The following TRDN variants were observed in gnomAD, a reference collection of about 807,000 sequenced individuals.
TRDN encodes triadin.
Under a neutral mutation model 149.7 loss-of-function variants are expected in TRDN, and 161 were observed. The ratio of observed to expected loss-of-function variants is 1.08; its 90% CI spans 0.95 to 1.23. The LOEUF is 1.23. TRDN is among the 50% of genes most tolerant of loss of function. TRDN has a pLI of 0.00. For missense variants in TRDN, 896 were observed against 823.5 expected (o/e 1.09, Z -1.08); for synonymous variants, 294 against 250.5 (o/e 1.17, Z -1.64).
At chr6:123,335,972 G>A (rs1034481206) in intron 22 of TRDN, among the ~76,000 whole-genome samples, 4 of 151,950 alleles carry the variant, frequency 2.6e-5, no homozygotes, top group African/African-American at 9.7e-5. Flanking sequence ...GAGAGTGGAG[G>A]CTGGGAATGG....
chr6:123,522,685 T>A (rs981715483), intron 5 of TRDN, among the ~76,000 whole-genome samples: 2 of 152,142 alleles, frequency 1.3e-5, no homozygotes, highest in African/African-American at 4.8e-5. Flanking sequence ...TGACTTAAAT[T>A]ACAGTGGCTT....
chr6:123,225,990 G>T (rs1039313114), intron 38 of TRDN, among the ~76,000 whole-genome samples: 15 of 151,724 alleles, frequency 9.9e-5, no homozygotes, highest in African/African-American at 3.4e-4. Context: ...GTAAGATAGG[G>T]TCAGTATGCA....
intron 10 of TRDN, 59 bp downstream of exon 10, chr6:123,464,847 T>C (rs1292757510): frequency 6.5e-7 from 1 of 1,541,796 alleles, no homozygotes; most frequent in Admixed American, 2.1e-5. Flanking sequence ...GTTGTTGCTG[T>C]TCCTCTACAT....
At chr6:123,604,636 C>T (rs1235684150) in intron 1 of TRDN, among the ~76,000 whole-genome samples, 2 of 152,060 alleles carry the variant, frequency 1.3e-5, no homozygotes, top group Non-Finnish European at 1.5e-5. Context: ...AGAGGCCAAA[C>T]TCTCAGAATG....
chr6:123,434,137 G>A (rs1327814956), intron 12 of TRDN: 1 of 152,110 alleles, frequency 6.6e-6, no homozygotes, highest in African/African-American at 2.4e-5. Context: ...TCAAAGATAG[G>A]TTTCATCACT....
intron 1 of TRDN, among the ~76,000 whole-genome samples, chr6:123,635,804 C>A (rs1786279895): frequency 6.6e-6 from 1 of 151,930 alleles, no homozygotes; most frequent in Admixed American, 6.6e-5. Flanking sequence ...AATTTTAGAT[C>A]CACCTCCAAA....
intron 31 of TRDN, among the ~76,000 whole-genome samples, chr6:123,268,058 T>G (rs981925229): frequency 6.6e-6 from 1 of 152,054 alleles, no homozygotes; most frequent in South Asian, 2.1e-4. Flanking sequence ...AAGAATATTG[T>G]TTTATTTGCT....
At chr6:123,348,865 G>A (rs527543865) in intron 21 of TRDN, among the ~76,000 whole-genome samples, 1 of 152,018 alleles carries the variant, frequency 6.6e-6, no homozygotes, top group East Asian at 1.9e-4. Context: ...ACATAAAGTT[G>A]GTTATTTCCT....
At chr6:123,250,513 T>C (rs1262809196) in intron 38 of TRDN, among the ~76,000 whole-genome samples, 1 of 152,034 alleles carries the variant, frequency 6.6e-6, no homozygotes, top group Admixed American at 6.6e-5. Context: ...CTAAGACAGT[T>C]TTTTGATGAT....
chr6:123,516,183 CT>C lies in TRDN; in HGVS notation c.507del (p.Gly170GlufsTer5). On this transcript the variant is annotated frameshift_variant, in exon 6 of 41. Transcript: ENST00000334268. LOFTEE classifies it high-confidence loss of function. ...TCTTTTTCTCTTACTTTTTCTTTTC[CT>C]TTTTCTTTTTCTTTGTGTGTAACTG... ...QTKVTHKEKEKGKEKVREKEK... is the reference protein window; with the variant it reads ...QTKVTHKEKEXGKEKVREKEK... 2 of 1,478,038 alleles carry C rather than the reference CT, an allele frequency of 1.4e-6. No individual in the cohort carries two copies. The highest frequency in any genetic ancestry group is 1.8e-6 in the Non-Finnish European group (2 of 1,103,910). The allele number at this position is 1,478,038 out of a possible 1,614,324, so 91.6% of individuals were successfully genotyped here.
chr6:123,337,737 A>G, intron 21 of TRDN, 68 bp from the exon 22 acceptor site: 2 of 932,004 alleles, frequency 2.1e-6, no homozygotes, highest in East Asian at 3.2e-5. Context: ...AAGTCTCTTC[A>G]TGTGTTTTGT....
intron 4 of TRDN, among the ~76,000 whole-genome samples, chr6:123,539,535 C>A (rs1375765708): frequency 1.3e-5 from 2 of 152,190 alleles, no homozygotes; most frequent in African/African-American, 4.8e-5. Flanking sequence ...AGTGACTTGA[C>A]CATAGCTGGT....
At chr6:123,577,881 A>C (rs1019493506) in intron 1 of TRDN, among the ~76,000 whole-genome samples, 6 of 152,110 alleles carry the variant, frequency 3.9e-5, no homozygotes, top group African/African-American at 9.7e-5. Flanking sequence ...ATTTCTCTAA[A>C]GATCAGTGAT....
At chr6:123,309,404 G>A (rs575855328) in intron 24 of TRDN, among the ~76,000 whole-genome samples, 1 of 152,054 alleles carries the variant, frequency 6.6e-6, no homozygotes, top group East Asian at 1.9e-4. Flanking sequence ...CAAGTAGAAA[G>A]CATCATTTCT....
chr6:123,531,194 G>C (rs1780236173), intron 4 of TRDN, among the ~76,000 whole-genome samples: 1 of 151,978 alleles, frequency 6.6e-6, no homozygotes, highest in African/African-American at 2.4e-5. Context: ...CCAAGGCTAA[G>C]AAAATGGAGT....
intron 4 of TRDN, among the ~76,000 whole-genome samples, chr6:123,546,909 C>G (rs970745385): frequency 6.6e-6 from 1 of 152,022 alleles, no homozygotes; most frequent in Non-Finnish European, 1.5e-5. Flanking sequence ...TCTTGTTGTC[C>G]TGGCCCATAG....
At chr6:123,464,534 C>T (rs1776672586) in intron 10 of TRDN, 2 of 1,006,794 alleles carry the variant, frequency 2.0e-6, no homozygotes. Flanking sequence ...AGGTGGAGCT[C>T]AGATTCAAAC....
chr6:123,375,550 T>C, intron 19 of TRDN, 55 bp downstream of exon 19: 1 of 1,462,660 alleles, frequency 6.8e-7, no homozygotes, highest in Non-Finnish European at 9.2e-7. Context: ...AGCAGAAAAT[T>C]CAAATGAGTA....
chr6:123,290,025 G>T (rs1040620767), intron 24 of TRDN, among the ~76,000 whole-genome samples: 1 of 152,132 alleles, frequency 6.6e-6, no homozygotes, highest in Admixed American at 6.5e-5. Flanking sequence ...TTGGACCCAA[G>T]ACCCAGTGGA....
Sources: gnomAD v4.1 joint callset for allele counts (sites outside exome capture counted in the v4.1 genomes callset) on GRCh38, gnomAD v4.1.1 for gene constraint, MANE v1.5 for transcripts, NCBI Gene and HGNC (gene_info 2026-07-23, HGNC 2026-07-21) for gene names.